AKR1D1: variants seen among roughly 807,000 people sequenced by gnomAD.
AKR1D1 encodes the protein delta(4)-3-ketosteroid 5-beta-reductase.
In AKR1D1, 32 loss-of-function variants were observed where a neutral mutation model predicts 42.6. The ratio of observed to expected loss-of-function variants is 0.75; its 90% confidence interval spans 0.57 to 1.01. The LOEUF (loss-of-function observed/expected upper bound fraction) is 1.01, where lower values mean the gene tolerates loss of function less well. Among genes scored for constraint, AKR1D1 ranks in the 50% least tolerant of loss-of-function variants. AKR1D1 has a pLI of 0.00. For missense variants in AKR1D1, 364 were observed against 402.2 expected, an observed-to-expected ratio of 0.91 and a Z score of 0.81; for synonymous variants, 123 against 135.5, an observed-to-expected ratio of 0.91 and a Z score of 0.64.
In AKR1D1 at chr7:138,106,675, T is replaced by C. The variant is rs1794440472; in HGVS notation, c.647T>C (p.Ile216Thr). Residue 216 changes from isoleucine to threonine, a missense_variant, in exon 6 of 9, where the codon ATT becomes ACT. Coordinates refer to ENST00000242375, the MANE Select transcript of AKR1D1 (RefSeq NM_005989.4). Reference sequence around the variant, plus strand: ...TTTTGCCAACAACATGACATTGTCATTACTGCATATAGCCCTTTGGGGACC... The same window carrying C: ...TTTTGCCAACAACATGACATTGTCACTACTGCATATAGCCCTTTGGGGACC... Reference protein sequence around the residue: ...LKFCQQHDIVITAYSPLGTSR... With the variant: ...LKFCQQHDIVTTAYSPLGTSR... The C allele has an allele frequency of 1.9e-6, 3 of 1,614,126 alleles. No individual in the cohort carries two copies. The highest frequency in any genetic ancestry group is 1.3e-5 in the African/African-American group (1 of 75,072).
intron 3 of AKR1D1, among the ~76,000 whole-genome samples, chr7:138,094,266 G>A (rs973827947): frequency 6.6e-6 from 1 of 152,130 alleles, no homozygotes; most frequent in East Asian, 1.9e-4. Context: ...TGTAGTCCCA[G>A]TACTTTGGGA....
intron 6 of AKR1D1, 143 bp from the exon 7 acceptor site, chr7:138,107,272 C>T: frequency 2.3e-6 from 2 of 868,814 alleles, no homozygotes; most frequent in South Asian, 2.7e-5. Flanking sequence ...GCATACTCTG[C>T]ACTCAGAGAA....
intron 7 of AKR1D1, among the ~76,000 whole-genome samples, chr7:138,111,466 A>G (rs1337534420): frequency 6.6e-5 from 10 of 152,196 alleles, no homozygotes. Flanking sequence ...AGTAATTCTC[A>G]GTCCTTGTCC....
At chr7:138,108,920 A>G (rs970428354) in intron 7 of AKR1D1, among the ~76,000 whole-genome samples, 2 of 152,220 alleles carry the variant, frequency 1.3e-5, no homozygotes. Context: ...TGATAAAAAC[A>G]TACAATGTTA....
intron 1 of AKR1D1, among the ~76,000 whole-genome samples, chr7:138,081,810 G>A (rs922691877): frequency 2.6e-5 from 4 of 152,060 alleles, no homozygotes; most frequent in Admixed American, 6.6e-5. Context: ...TCGAACTGCC[G>A]ACCTCAGGTG....
intron 1 of AKR1D1, among the ~76,000 whole-genome samples, chr7:138,081,612 C>T (rs116158684): frequency 0.021 from 3,153 of 148,984 alleles, 127 homozygotes; most frequent in African/African-American, 0.074. Flanking sequence ...TCACCAAAAC[C>T]TCCACCTCCC....
intron 1 of AKR1D1, among the ~76,000 whole-genome samples, chr7:138,087,258 C>G (rs79993433): frequency 0.014 from 2,172 of 152,282 alleles, 25 homozygotes; most frequent in Non-Finnish European, 0.022. Flanking sequence ...CTCTCACAAG[C>G]CCTTTTTATG....
In AKR1D1 at chr7:138,094,448, G is replaced by A. The variant is rs181817151; in HGVS notation, c.378+2564G>A. Among the ~76,000 whole-genome samples the A allele has an allele frequency of 2.8e-3, 423 of 152,314 alleles. 2 individuals are homozygous for A. The highest frequency in any genetic ancestry group is 9.7e-3 in the African/African-American group (405 of 41,576). On this transcript the variant is annotated intron_variant, in intron 3 of 8. Coordinates refer to ENST00000242375, the MANE Select transcript of AKR1D1 (RefSeq NM_005989.4). The stretch of plus-strand genomic sequence containing the variant: ...GAGGATCACTTGAGCTGGGGAGGTG[G>A]AGGGTGCAGTGAGCCAAGATTGCGC...
At chr7:138,106,553 G>T in intron 5 of AKR1D1, 55 bp from the exon 6 acceptor site, 2 of 1,321,846 alleles carry the variant, frequency 1.5e-6, no homozygotes, top group South Asian at 2.3e-5. Context: ...CAGTACAATT[G>T]CATTCAACAA....
intron 4 of AKR1D1, 88 bp downstream of exon 4, chr7:138,098,031 C>T (rs938529506): frequency 1.0e-4 from 106 of 1,019,918 alleles, no homozygotes; most frequent in Admixed American, 5.1e-4. Flanking sequence ...GAGAGAGATG[C>T]ACCCTTTACT....
chr7:138,080,047 A>T (rs1399720162), intron 1 of AKR1D1, among the ~76,000 whole-genome samples: 1 of 152,204 alleles, frequency 6.6e-6, no homozygotes, highest in Non-Finnish European at 1.5e-5. Context: ...TCTGGGCCTA[A>T]TGAAAGCTGG....
At chr7:138,080,665 AT>A (rs1358001666) in intron 1 of AKR1D1, among the ~76,000 whole-genome samples, 1 of 152,168 alleles carries the variant, frequency 6.6e-6, no homozygotes, top group Non-Finnish European at 1.5e-5. Flanking sequence ...CTAATTAACC[AT>A]CTCTGCAAAG....
intron 2 of AKR1D1, chr7:138,091,232 A>G (rs1371385927): frequency 6.3e-6 from 1 of 159,930 alleles, no homozygotes; most frequent in Non-Finnish European, 1.4e-5. Context: ...ATGTCTGGAG[A>G]TGTGAGGGTG....
chr7:138,105,201 A>G (rs1794395998), intron 4 of AKR1D1, 106 bp from the exon 5 acceptor site: 4 of 1,511,830 alleles, frequency 2.6e-6, no homozygotes, highest in African/African-American at 2.8e-5. Context: ...GCTTATTAAC[A>G]TACCCAGGAA....
chr7:138,111,375 T>C (rs1259660921), intron 7 of AKR1D1, among the ~76,000 whole-genome samples: 1 of 152,202 alleles, frequency 6.6e-6, no homozygotes, highest in African/African-American at 2.4e-5. Flanking sequence ...CTTGAAGCCA[T>C]TCAAACCAAA....
chr7:138,099,614 T>G (rs1159331405), intron 4 of AKR1D1, among the ~76,000 whole-genome samples: 2 of 151,818 alleles, frequency 1.3e-5, no homozygotes, highest in African/African-American at 4.8e-5. Flanking sequence ...TTTTTTAAAA[T>G]ATGAAAGAAA....
chr7:138,116,510 G>T (rs1007914212), intron 8 of AKR1D1, 110 bp from the exon 9 acceptor site: 16 of 1,197,916 alleles, frequency 1.3e-5, no homozygotes, highest in East Asian at 9.3e-5. Flanking sequence ...GCAGAGGAAT[G>T]AATAGGAGAG....
intron 1 of AKR1D1, among the ~76,000 whole-genome samples, chr7:138,088,262 T>C (rs1562931552): frequency 1.3e-5 from 2 of 152,188 alleles, no homozygotes; most frequent in Admixed American, 6.5e-5. Flanking sequence ...ACCCAACCTT[T>C]TGATTTATAA....
At chr7:138,084,656 T>C (rs1048797190) in intron 1 of AKR1D1, among the ~76,000 whole-genome samples, 7 of 152,228 alleles carry the variant, frequency 4.6e-5, no homozygotes, top group Non-Finnish European at 1.0e-4. Flanking sequence ...TCTCCTATCA[T>C]ATCATTTATG....
Sources: allele counts gnomAD v4.1 joint callset (sites outside exome capture counted in the v4.1 genomes callset), GRCh38; gene constraint gnomAD v4.1.1; transcripts MANE v1.5; gene names NCBI Gene and HGNC (gene_info 2026-07-23, HGNC 2026-07-21).